LIPI: variants seen among roughly 807,000 people sequenced by gnomAD.
The protein encoded by LIPI is lipase I, also known as lipase member I.
In LIPI, 59 loss-of-function variants were observed where a neutral mutation model predicts 50.6. That is an observed-to-expected ratio of 1.16 (90% CI 0.94 to 1.45). The LOEUF (loss-of-function observed/expected upper bound fraction) is 1.45, where lower values mean the gene tolerates loss of function less well. Among genes scored for constraint, LIPI ranks in the 40% most tolerant of loss-of-function variants. LIPI has a pLI of 0.00. For synonymous variants in LIPI, 203 were observed against 178.2 expected (o/e 1.14, Z -1.11); for missense variants, 586 against 536.3 (o/e 1.09, Z -0.92).
chr21:14,134,281 G>T (rs1000612427), intron 9 of LIPI, among the ~76,000 whole-genome samples: 1 of 151,994 alleles, frequency 6.6e-6, no homozygotes, highest in Non-Finnish European at 1.5e-5. Context: ...AATTACTGAT[G>T]AGAGAAATCA....
intron 4 of LIPI, among the ~76,000 whole-genome samples, chr21:14,174,799 G>A (rs368103849): frequency 6.6e-5 from 10 of 152,104 alleles, no homozygotes; most frequent in East Asian, 3.9e-4. Context: ...GTGATCCCCC[G>A]CCTCGGCCTC....
Position 14,141,458 on chromosome 21 carries a change from G to A in LIPI, c.1295+3165C>T, listed in dbSNP as rs375661071. ...TGTCCCATCATCTCACTCTTCACTC[G>A]TTCTTATATGGATTTTTGTTTTCTT... On this transcript the variant is annotated intron_variant, in intron 9 of 9. Coordinates refer to ENST00000681601, the MANE Select transcript of LIPI (RefSeq NM_001302998.2). Among the ~76,000 whole-genome samples the A allele has an allele frequency of 3.2e-4, 48 of 150,336 alleles. 2 individuals are homozygous for A. The South Asian group carries it at 8.8e-3, about 28-fold the overall frequency.
chr21:14,114,082 G>T (rs2016521807), intron 9 of LIPI, among the ~76,000 whole-genome samples: 1 of 151,894 alleles, frequency 6.6e-6, no homozygotes, highest in Admixed American at 6.6e-5. Context: ...GGAGGGTGAG[G>T]CAGGAGAATC....
intron 7 of LIPI, among the ~76,000 whole-genome samples, chr21:14,156,237 A>G (rs4306779): frequency 0.85 from 129,116 of 151,880 alleles, 55,395 homozygotes; most frequent in East Asian, 0.98. Context: ...CTAACCAGCT[A>G]TTCTTAAAAT....
chr21:14,170,483 G>A (rs148415531), intron 4 of LIPI, among the ~76,000 whole-genome samples: 38,261 of 151,938 alleles, frequency 0.25, 5,139 homozygotes, highest in Middle Eastern at 0.34. Flanking sequence ...CTGGCAAACC[G>A]AATCCAGCAG....
intron 2 of LIPI, 35 bp downstream of exon 2, chr21:14,188,999 A>T: frequency 6.6e-7 from 1 of 1,512,884 alleles, no homozygotes; most frequent in Non-Finnish European, 9.1e-7. Context: ...AATATATTGT[A>T]TAGCATGTAT....
At chr21:14,147,318 T>C (rs2017942798) in intron 8 of LIPI, among the ~76,000 whole-genome samples, 1 of 152,174 alleles carries the variant, frequency 6.6e-6, no homozygotes, top group African/African-American at 2.4e-5. Flanking sequence ...GTCAAGACTT[T>C]TTTATGAACA....
intron 7 of LIPI, among the ~76,000 whole-genome samples, chr21:14,157,888 G>A (rs113899162): frequency 7.9e-5 from 12 of 151,828 alleles, no homozygotes; most frequent in African/African-American, 2.7e-4. Context: ...AACTGGTATC[G>A]TATCCCTGTC....
At chr21:14,138,933 T>C (rs1198149305) in intron 9 of LIPI, among the ~76,000 whole-genome samples, 1 of 152,132 alleles carries the variant, frequency 6.6e-6, no homozygotes, top group East Asian at 1.9e-4. Context: ...CAAAATAGAC[T>C]ATAACTACTC....
intron 9 of LIPI, among the ~76,000 whole-genome samples, chr21:14,124,253 A>G (rs1053168496): frequency 1.3e-5 from 2 of 152,224 alleles, no homozygotes; most frequent in African/African-American, 4.8e-5. Flanking sequence ...ACAGGAAGAG[A>G]TAAACGATTA....
chr21:14,160,192 T>C (rs1162145021), intron 7 of LIPI, among the ~76,000 whole-genome samples: 1 of 151,202 alleles, frequency 6.6e-6, no homozygotes, highest in Non-Finnish European at 1.5e-5. Context: ...CAAAGAAGAA[T>C]GAAGAGGAAA....
Position 14,179,929 on chromosome 21 carries a change from G to C in LIPI, c.643+1829C>G, listed in dbSNP as rs558745823. On this transcript the variant is annotated intron_variant, in intron 4 of 9. Transcript: ENST00000681601. Reference sequence around the variant, plus strand: ...GACTGCCTGTGGGGTCGGGCAAAAAGAGCCATATTTTTCTTCTTGCAGAGA... The same window carrying C: ...GACTGCCTGTGGGGTCGGGCAAAAACAGCCATATTTTTCTTCTTGCAGAGA... 2.6e-5 allele frequency among the ~76,000 whole-genome samples: 4 copies of C among 152,298 alleles called. No individual in the cohort carries two copies. The East Asian group carries it at 5.8e-4, about 22-fold the overall frequency.
intron 7 of LIPI, among the ~76,000 whole-genome samples, chr21:14,160,371 T>C (rs2018421079): frequency 6.6e-6 from 1 of 151,290 alleles, no homozygotes; most frequent in Non-Finnish European, 1.5e-5. Flanking sequence ...TCGATATATA[T>C]TGATATCTAT....
intron 8 of LIPI, among the ~76,000 whole-genome samples, chr21:14,151,947 C>A (rs2018106322): frequency 6.6e-6 from 1 of 151,906 alleles, no homozygotes. Flanking sequence ...GAAGTCACAT[C>A]ACTGTGAACA....
chr21:14,191,493 T>TAGAA (rs2019675958), intron 1 of LIPI, among the ~76,000 whole-genome samples: 5 of 151,156 alleles, frequency 3.3e-5, no homozygotes, highest in African/African-American at 4.9e-5. Context: ...GTACCCTGCC[T>TAGAA]ATTAAAAAGC....
intron 4 of LIPI, among the ~76,000 whole-genome samples, chr21:14,169,329 C>A (rs2018808978): frequency 6.6e-6 from 1 of 151,858 alleles, no homozygotes; most frequent in South Asian, 2.1e-4. Context: ...ACAAGGATAC[C>A]CAGGAATTGA....
intron 9 of LIPI, among the ~76,000 whole-genome samples, chr21:14,130,246 A>T (rs1381787860): frequency 6.6e-6 from 1 of 152,162 alleles, no homozygotes; most frequent in African/African-American, 2.4e-5. Flanking sequence ...AGGCTGAGGC[A>T]GGAGAATCGT....
At chr21:14,204,986 C>A (rs2020184810) in intron 1 of LIPI, among the ~76,000 whole-genome samples, 1 of 150,524 alleles carries the variant, frequency 6.6e-6, no homozygotes, top group Non-Finnish European at 1.5e-5. Flanking sequence ...GAAGTGTTTT[C>A]AATATAAGGT....
chr21:14,158,698 A>G lies in LIPI; in HGVS notation c.1006+4721T>C, dbSNP rs189264718. ...ATAACAGAACATGATAGAAAATTAA[A>G]CAAAAATCTGATTCTTGAATAAAAA... On this transcript the variant is annotated intron_variant, in intron 7 of 9. Coordinates refer to ENST00000681601, the MANE Select transcript of LIPI (RefSeq NM_001302998.2). 6.4e-3 allele frequency among the ~76,000 whole-genome samples: 965 copies of G among 150,444 alleles called. 2 individuals are homozygous for G. Among genetic ancestry groups the G allele is most frequent in the Middle Eastern group, 0.014 (4 of 292 alleles).
Sources: allele counts gnomAD v4.1 joint callset (sites outside exome capture counted in the v4.1 genomes callset), GRCh38; gene constraint gnomAD v4.1.1; transcripts MANE v1.5; gene names NCBI Gene and HGNC (gene_info 2026-07-23, HGNC 2026-07-21).